Variants in RAPGEF5 observed in about 807,000 individuals in gnomAD.
RAPGEF5 encodes the protein Rap guanine nucleotide exchange factor 5, also known as M-Ras-regulated GEF.
RAPGEF5 carries 65 observed loss-of-function variants against 125.2 expected under a neutral mutation model. That is an observed-to-expected ratio of 0.52 (90% confidence interval 0.43 to 0.64). The LOEUF (loss-of-function observed/expected upper bound fraction) is 0.64. Ranked by LOEUF, RAPGEF5 falls within the 30% of genes least tolerant of loss-of-function variation. The pLI is 0.00. For missense variants in RAPGEF5, 958 were observed against 1,048.1 expected, an observed-to-expected ratio of 0.91 and a Z score of 1.19; for synonymous variants, 391 against 385.9, an observed-to-expected ratio of 1.01 and a Z score of -0.16.
chr7:22,271,398 C>T (rs980520068), intron 6 of RAPGEF5, among the ~76,000 whole-genome samples: 2 of 152,182 alleles, frequency 1.3e-5, no homozygotes, highest in African/African-American at 4.8e-5. Flanking sequence ...TTGTCCTCCT[C>T]TAATTTAATT....
At chr7:22,271,244 A>C (rs112842171) in intron 6 of RAPGEF5, among the ~76,000 whole-genome samples, 1,824 of 152,298 alleles carry the variant, frequency 0.012, 38 homozygotes, top group African/African-American at 0.041. Flanking sequence ...ACCAGGCATC[A>C]GTGTGCATTG....
intron 13 of RAPGEF5, among the ~76,000 whole-genome samples, chr7:22,160,962 T>C (rs139146889): frequency 0.19 from 29,280 of 151,550 alleles, 3,374 homozygotes; most frequent in African/African-American, 0.32. Flanking sequence ...TTTGGGAGGC[T>C]GAGGCAGGCA....
At position 22,140,101 on chromosome 7, in the gene RAPGEF5, C is replaced by A; in HGVS notation, c.2201G>T (p.Arg734Ile). 6.4e-7 allele frequency: 1 copy of A among 1,559,436 alleles called. No homozygotes were observed. The highest frequency in any genetic ancestry group is 1.2e-5 in the South Asian group (1 of 84,334). Residue 734 changes from arginine (R) to isoleucine (I), a missense_variant, in exon 21 of 26, where the codon AGA (arginine) becomes ATA (isoleucine). Physicochemically the swap from Arg to Ile is moderately conservative, Grantham distance 97. Coordinates refer to ENST00000665637, the MANE Select transcript of RAPGEF5 (RefSeq NM_012294.5). The part of the protein sequence containing the change: ...IKIAAHCKAQ[R>I]NLNSFFAIVM... Reference sequence around the variant, plus strand: ...AATGGCAAAGAAAGAATTCAGGTTTCTCTGGGCTTTGCAGCTATAAAATAA... The same window carrying A: ...AATGGCAAAGAAAGAATTCAGGTTTATCTGGGCTTTGCAGCTATAAAATAA...
chr7:22,296,911 G>A (rs1167862003), intron 5 of RAPGEF5, among the ~76,000 whole-genome samples: 1 of 152,182 alleles, frequency 6.6e-6, no homozygotes, highest in East Asian at 1.9e-4. Flanking sequence ...CTGCTGTCAT[G>A]TCAAGTAAGA....
chr7:22,188,010 C>T (rs1784874445), intron 11 of RAPGEF5, among the ~76,000 whole-genome samples: 1 of 152,190 alleles, frequency 6.6e-6, no homozygotes, highest in South Asian at 2.1e-4. Context: ...TGTGCAGCTA[C>T]AGATAAGCTA....
rs11291130 is a variant in RAPGEF5, at chr7:22,228,674, A to AT, written c.870+2171dup. On this transcript the variant is annotated intron_variant, in intron 8 of 25. Transcript: ENST00000665637. ...AGGCACCTGCTACCACGCCCAGCTAATTTTTTTTTTTTTTTTTTTAAGTAG... is the reference window on the plus strand; with the variant it reads ...AGGCACCTGCTACCACGCCCAGCTAATTTTTTTTTTTTTTTTTTTTAAGTAG... Among the ~76,000 whole-genome samples the AT allele has an allele frequency of 6.0e-3, 863 of 144,190 alleles. 13 individuals are homozygous for AT. The highest frequency in any genetic ancestry group is 0.02 in the African/African-American group (766 of 38,770). 94.6% of individuals were successfully genotyped at this position (144,190 alleles called of 152,430 possible). A position where few individuals can be genotyped will look rare whatever the true frequency, so the allele number is the denominator to read the frequency against.
At chr7:22,135,795 C>T (rs1239511351) in intron 23 of RAPGEF5, among the ~76,000 whole-genome samples, 1 of 152,086 alleles carries the variant, frequency 6.6e-6, no homozygotes, top group African/African-American at 2.4e-5. Flanking sequence ...CAAATGTTTC[C>T]AGTGCCAAGT....
chr7:22,266,589 G>A (rs1353617265), intron 7 of RAPGEF5, among the ~76,000 whole-genome samples: 1 of 151,958 alleles, frequency 6.6e-6, no homozygotes, highest in South Asian at 2.1e-4. Flanking sequence ...TTATAAAAAA[G>A]ACCACCTCTA....
chr7:22,204,871 A>C (rs942791522), intron 9 of RAPGEF5, among the ~76,000 whole-genome samples: 1 of 152,220 alleles, frequency 6.6e-6, no homozygotes, highest in East Asian at 1.9e-4. Flanking sequence ...AAAAGTAAAC[A>C]AAAAACCAGA....
chr7:22,160,463 C>T (rs1783950715), intron 14 of RAPGEF5, 55 bp downstream of exon 14: 1 of 1,492,050 alleles, frequency 6.7e-7, no homozygotes. Context: ...CAAATTCTAT[C>T]ATATTTGCTG....
intron 3 of RAPGEF5, among the ~76,000 whole-genome samples, chr7:22,313,788 T>A (rs566411947): frequency 2.6e-5 from 4 of 152,366 alleles, no homozygotes; most frequent in African/African-American, 7.2e-5. Flanking sequence ...TTAGTTTTTT[T>A]AAAAAGGAGA....
At chr7:22,199,815 G>A (rs898992046) in intron 9 of RAPGEF5, among the ~76,000 whole-genome samples, 3 of 152,078 alleles carry the variant, frequency 2.0e-5, no homozygotes, top group African/African-American at 7.2e-5. Context: ...TCCACTAGTG[G>A]GTGATGAGAT....
At chr7:22,205,564 CAGAT>C (rs1324514840) in intron 9 of RAPGEF5, among the ~76,000 whole-genome samples, 3 of 152,164 alleles carry the variant, frequency 2.0e-5, no homozygotes, top group African/African-American at 7.2e-5. Context: ...CTTCACGTGA[CAGAT>C]AGACATGTAA....
chr7:22,247,745 T>C, intron 7 of RAPGEF5, among the ~76,000 whole-genome samples: 1 of 140,228 alleles, frequency 7.1e-6, no homozygotes. Flanking sequence ...AATGGTGGAC[T>C]GGATAAAAAA....
At chr7:22,163,770 A>G (rs550227620) in intron 12 of RAPGEF5, among the ~76,000 whole-genome samples, 5 of 152,322 alleles carry the variant, frequency 3.3e-5, no homozygotes, top group Non-Finnish European at 7.4e-5. Context: ...AAAGATGACT[A>G]GGAATAGGGA....
chr7:22,155,426 C>T (rs1783773307), intron 16 of RAPGEF5, among the ~76,000 whole-genome samples: 1 of 152,146 alleles, frequency 6.6e-6, no homozygotes, highest in South Asian at 2.1e-4. Flanking sequence ...AATGCACTAG[C>T]TTCTTTCAAA....
At chr7:22,160,776 G>A (rs1023008695) in intron 13 of RAPGEF5, among the ~76,000 whole-genome samples, 161 bp from the exon 14 acceptor site, 7 of 152,136 alleles carry the variant, frequency 4.6e-5, no homozygotes, top group African/African-American at 1.2e-4. Context: ...ATCATAACTC[G>A]CAGCTCCTCT....
chr7:22,252,972 C>A (rs757628481), intron 7 of RAPGEF5, among the ~76,000 whole-genome samples: 1 of 151,884 alleles, frequency 6.6e-6, no homozygotes. Flanking sequence ...AAGAAAGATA[C>A]AACCCATCAA....
chr7:22,161,537 AACACACAC>A (rs369030719), intron 13 of RAPGEF5, among the ~76,000 whole-genome samples: 83 of 136,116 alleles, frequency 6.1e-4, no homozygotes, highest in South Asian at 7.9e-4. Context: ...ACCCTGTCTC[AACACACAC>A]ACACACACAC....
Sources: gnomAD v4.1 joint callset for allele counts (sites outside exome capture counted in the v4.1 genomes callset) on GRCh38, gnomAD v4.1.1 for gene constraint, MANE v1.5 for transcripts, NCBI Gene and HGNC (gene_info 2026-07-23, HGNC 2026-07-21) for gene names.